Variants in COL19A1 observed in about 807,000 individuals in gnomAD.
The protein encoded by COL19A1 is collagen alpha-1(XIX) chain.
Under a neutral mutation model 190.2 loss-of-function variants are expected in COL19A1, and 159 were observed. That is an observed-to-expected ratio of 0.84 (90% CI 0.73 to 0.95). The LOEUF (loss-of-function observed/expected upper bound fraction) is 0.95, where lower values mean the gene tolerates loss of function less well. COL19A1 is among the 40% of genes least tolerant of loss of function. COL19A1 has a pLI of 0.00. For missense variants in COL19A1, 1,418 were observed against 1,431.9 expected (o/e 0.99, Z 0.16); for synonymous variants, 509 against 458.9 (o/e 1.11, Z -1.39).
At chr6:69,880,038 A>G (rs1768419853) in intron 2 of COL19A1, 1 of 260,734 alleles carries the variant, frequency 3.8e-6, no homozygotes. Context: ...TCTAATCTTA[A>G]TTAGGAAAAA....
chr6:69,970,570 T>C (rs1472217416), intron 11 of COL19A1, among the ~76,000 whole-genome samples: 1 of 152,184 alleles, frequency 6.6e-6, no homozygotes, highest in Non-Finnish European at 1.5e-5. Context: ...TCTTGGTGAT[T>C]ATGCCTATTA....
intron 11 of COL19A1, among the ~76,000 whole-genome samples, chr6:70,016,222 C>G (rs1337310700): frequency 7.0e-5 from 2 of 28,570 alleles, no homozygotes. Flanking sequence ...GTGGTGGGGT[C>G]GGGGGAGGGG....
chr6:70,049,841 T>A (rs1233813176), intron 14 of COL19A1, among the ~76,000 whole-genome samples: 1 of 152,152 alleles, frequency 6.6e-6, no homozygotes, highest in Admixed American at 6.6e-5. Flanking sequence ...ACGTATTTAT[T>A]TCAGCCATAA....
At chr6:70,072,757 C>A (rs1410144714) in intron 15 of COL19A1, among the ~76,000 whole-genome samples, 1 of 152,102 alleles carries the variant, frequency 6.6e-6, no homozygotes, top group Non-Finnish European at 1.5e-5. Context: ...CTACCTACCC[C>A]TGCCCCCGTC....
At chr6:70,104,557 G>A (rs1783836259) in intron 16 of COL19A1, among the ~76,000 whole-genome samples, 1 of 152,166 alleles carries the variant, frequency 6.6e-6, no homozygotes, top group Admixed American at 6.5e-5. Flanking sequence ...AATTTAACAT[G>A]AGATTTGGTT....
At chr6:69,882,542 A>G (rs1470028297) in intron 2 of COL19A1, among the ~76,000 whole-genome samples, 1 of 152,186 alleles carries the variant, frequency 6.6e-6, no homozygotes, top group Non-Finnish European at 1.5e-5. Context: ...ACTTTCTTTA[A>G]TCTGTTCTAA....
chr6:70,100,835 T>C (rs1783586482), intron 15 of COL19A1, among the ~76,000 whole-genome samples: 3 of 152,178 alleles, frequency 2.0e-5, no homozygotes, highest in Non-Finnish European at 4.4e-5. Flanking sequence ...ACTAGGGCTA[T>C]TTATAGAAAA....
At chr6:70,054,818 A>G (rs1477282799) in intron 14 of COL19A1, among the ~76,000 whole-genome samples, 1 of 152,186 alleles carries the variant, frequency 6.6e-6, no homozygotes, top group Non-Finnish European at 1.5e-5. Flanking sequence ...TGAAAACTAA[A>G]CCACAAAAGT....
At chr6:69,949,186 C>T (rs986454585) in intron 9 of COL19A1, among the ~76,000 whole-genome samples, 4 of 151,756 alleles carry the variant, frequency 2.6e-5, no homozygotes, top group Admixed American at 6.6e-5. Flanking sequence ...TAACAGATTA[C>T]GTTTAACTCT....
chr6:69,938,153 C>A, intron 9 of COL19A1, 53 bp downstream of exon 9: 1 of 1,525,884 alleles, frequency 6.6e-7, no homozygotes, highest in Non-Finnish European at 9.0e-7. Flanking sequence ...TAAAAAATGA[C>A]TTAAAAATGT....
At chr6:70,183,899 A>G (rs1440683273) in intron 44 of COL19A1, among the ~76,000 whole-genome samples, 1 of 152,190 alleles carries the variant, frequency 6.6e-6, no homozygotes, top group Non-Finnish European at 1.5e-5. Flanking sequence ...TCAGATCTCT[A>G]AAACACACTT....
chr6:70,024,044 G>A (rs1778593470), intron 12 of COL19A1, among the ~76,000 whole-genome samples: 1 of 152,016 alleles, frequency 6.6e-6, no homozygotes, highest in African/African-American at 2.4e-5. Context: ...CTAGTCTATA[G>A]ATGGCGTCTG....
intron 11 of COL19A1, among the ~76,000 whole-genome samples, chr6:69,982,796 C>T (rs1776109857): frequency 6.6e-6 from 1 of 150,484 alleles, no homozygotes; most frequent in Admixed American, 6.6e-5. Flanking sequence ...CACAGTGAAA[C>T]CCCGTCTCTA....
chr6:69,938,213 G>T (rs530296124), intron 9 of COL19A1, 113 bp downstream of exon 9: 3 of 990,154 alleles, frequency 3.0e-6, no homozygotes, highest in African/African-American at 1.7e-5. Context: ...TCTATAAAAG[G>T]CTATCAAAGA....
At chr6:69,921,680 A>G (rs1371898890) in intron 4 of COL19A1, among the ~76,000 whole-genome samples, 1 of 147,356 alleles carries the variant, frequency 6.8e-6, no homozygotes, top group Non-Finnish European at 1.5e-5. Flanking sequence ...AGATTCGTAT[A>G]TATTCGTATG....
rs188989445 is a variant in COL19A1, at chr6:70,167,795, G to A, written c.2446-230G>A. On this transcript the variant is annotated intron_variant, in intron 37 of 50. Transcript: ENST00000620364. ...AATTAAACCCCAACTGAAAGTATCC[G>A]TGTGCTTCAGGTGTAGCTCACACTC... 7.6e-4 allele frequency among the ~76,000 whole-genome samples: 115 copies of A among 152,266 alleles called. 1 individual carries two copies. The highest frequency in any genetic ancestry group is 6.4e-3 in the East Asian group (33 of 5,186).
At chr6:70,067,936 T>C (rs1781342869) in intron 14 of COL19A1, among the ~76,000 whole-genome samples, 1 of 152,094 alleles carries the variant, frequency 6.6e-6, no homozygotes, top group South Asian at 2.1e-4. Flanking sequence ...AAGAAAGCAG[T>C]AAATAATATT....
chr6:70,096,453 T>C (rs1191044377), intron 15 of COL19A1, among the ~76,000 whole-genome samples: 2 of 152,156 alleles, frequency 1.3e-5, no homozygotes, highest in Non-Finnish European at 2.9e-5. Flanking sequence ...TTGTTGATAG[T>C]AGCCATCCTA....
At chr6:70,062,059 C>T (rs925728683) in intron 14 of COL19A1, among the ~76,000 whole-genome samples, 7 of 150,240 alleles carry the variant, frequency 4.7e-5, no homozygotes, top group Middle Eastern at 6.9e-3. Flanking sequence ...CTTTTTTTTC[C>T]TACCTAAATC....
Sources: allele counts gnomAD v4.1 joint callset (sites outside exome capture counted in the v4.1 genomes callset), GRCh38; gene constraint gnomAD v4.1.1; transcripts MANE v1.5; gene names NCBI Gene and HGNC (gene_info 2026-07-23, HGNC 2026-07-21).